The following UBE2E2 variants were observed in gnomAD, a reference collection of about 807,000 sequenced individuals.
UBE2E2 encodes the protein ubiquitin conjugating enzyme E2 E2, also known as ubiquitin-conjugating enzyme E2 E2.
A neutral mutation model predicts 24.7 loss-of-function variants in UBE2E2; 6 were observed. The observed-to-expected ratio is 0.24, with a 90% CI of 0.13 to 0.48. UBE2E2 has a LOEUF of 0.48. Ranked by LOEUF, UBE2E2 falls within the 20% of genes least tolerant of loss-of-function variation. UBE2E2 has a pLI of 0.99. For missense variants in UBE2E2, 169 were observed against 245.0 expected, an observed-to-expected ratio of 0.69 and a Z score of 2.07; for synonymous variants, 104 against 83.6, an observed-to-expected ratio of 1.24 and a Z score of -1.33.
intron 3 of UBE2E2, among the ~76,000 whole-genome samples, chr3:23,312,283 C>T (rs922772565): frequency 4.1e-4 from 62 of 151,998 alleles, no homozygotes; most frequent in African/African-American, 1.4e-3. Context: ...TATAGCAATG[C>T]GAGAACAGAC....
rs139844020 is a variant in UBE2E2 at position 23,302,736 on chromosome 3, G to C, written c.227+85424G>C. 5.7e-4 allele frequency among the ~76,000 whole-genome samples: 87 copies of C among 152,336 alleles called. 3 individuals are homozygous for C. In the East Asian group the frequency reaches 0.015, roughly 27 times the overall value. ...TTAATTTCCTATATACAGCTTGCCTGAGGTAGCATGAAAGCAGCCATAGAA... is the reference window on the plus strand; with the variant it reads ...TTAATTTCCTATATACAGCTTGCCTCAGGTAGCATGAAAGCAGCCATAGAA... On this transcript the variant is annotated intron_variant, in intron 3 of 5. Coordinates refer to ENST00000396703, the MANE Select transcript of UBE2E2 (RefSeq NM_152653.4).
At chr3:23,289,682 G>T (rs763721048) in intron 3 of UBE2E2, among the ~76,000 whole-genome samples, 1 of 151,960 alleles carries the variant, frequency 6.6e-6, no homozygotes, top group Non-Finnish European at 1.5e-5. Context: ...ATACTTTTAG[G>T]TATACACATT....
chr3:23,301,516 C>T (rs1050068779), intron 3 of UBE2E2, among the ~76,000 whole-genome samples: 52 of 152,180 alleles, frequency 3.4e-4, no homozygotes, highest in African/African-American at 1.1e-3. Context: ...GACCCTCAGC[C>T]GCAGGTCTGT....
chr3:23,306,716 G>T (rs1699246045), intron 3 of UBE2E2, among the ~76,000 whole-genome samples: 1 of 152,144 alleles, frequency 6.6e-6, no homozygotes, highest in South Asian at 2.1e-4. Context: ...ATGAGGAATG[G>T]CAAGTAAATA....
intron 3 of UBE2E2, among the ~76,000 whole-genome samples, chr3:23,230,287 G>C (rs1385774633): frequency 6.6e-6 from 1 of 152,202 alleles, no homozygotes; most frequent in Non-Finnish European, 1.5e-5. Context: ...TGGTTCAGCA[G>C]TGTCTGCAGC....
chr3:23,447,937 AG>A (rs1260278631), intron 3 of UBE2E2, among the ~76,000 whole-genome samples: 1 of 152,212 alleles, frequency 6.6e-6, no homozygotes, highest in East Asian at 1.9e-4. Context: ...TCCTTTCTGC[AG>A]GCCAAAACAG....
intron 3 of UBE2E2, among the ~76,000 whole-genome samples, chr3:23,458,609 G>A (rs989936803): frequency 2.6e-5 from 4 of 151,996 alleles, no homozygotes; most frequent in African/African-American, 7.3e-5. Context: ...AGTAGAGATG[G>A]GGTTTTACTG....
chr3:23,480,727 G>A (rs1159801698), intron 3 of UBE2E2, among the ~76,000 whole-genome samples: 1 of 152,000 alleles, frequency 6.6e-6, no homozygotes, highest in Non-Finnish European at 1.5e-5. Flanking sequence ...GCTTAGTACA[G>A]AAAAAGGATT....
intron 3 of UBE2E2, among the ~76,000 whole-genome samples, chr3:23,451,864 A>G (rs1231121075): frequency 1.1e-4 from 17 of 152,214 alleles, no homozygotes; most frequent in Admixed American, 1.1e-3. Flanking sequence ...ATAGAGCAGT[A>G]CCTAAAGGGT....
In UBE2E2 at chr3:23,243,318, C is replaced by G. The variant is rs550097269; in HGVS notation, c.227+26006C>G. On this transcript the variant is annotated intron_variant, in intron 3 of 5. Coordinates refer to ENST00000396703, the MANE Select transcript of UBE2E2 (RefSeq NM_152653.4). ...GTTAGGCACTTATGAGGTAGCAGGT[C>G]TCATGCTTCATCTTTTATGCTCCCA... is the stretch of plus-strand genomic sequence containing the variant. Among the ~76,000 whole-genome samples the G allele has an allele frequency of 2.6e-5, 4 of 152,280 alleles. No homozygotes were observed. The East Asian group carries it at 7.7e-4, about 29-fold the overall frequency.
intron 3 of UBE2E2, among the ~76,000 whole-genome samples, chr3:23,370,207 C>T (rs1468703182): frequency 1.3e-5 from 2 of 151,970 alleles, no homozygotes; most frequent in African/African-American, 4.8e-5. Context: ...CTTTGTTAAA[C>T]TTTTGGTCTT....
intron 3 of UBE2E2, among the ~76,000 whole-genome samples, chr3:23,302,969 C>T (rs1699140676): frequency 6.6e-6 from 1 of 152,148 alleles, no homozygotes; most frequent in African/African-American, 2.4e-5. Flanking sequence ...TGACACATAC[C>T]TGTGGAACCT....
chr3:23,453,387 C>G lies in UBE2E2; in HGVS notation c.228-46221C>G, dbSNP rs1381000844. ...GAGGAAAGAAAAAAATACTTTATAT[C>G]TTTAACCTGTTTTTTAAAAAGAAAG... On this transcript the variant is annotated intron_variant, in intron 3 of 5. Coordinates refer to ENST00000396703, the MANE Select transcript of UBE2E2 (RefSeq NM_152653.4). Among the ~76,000 whole-genome samples, 4 of 151,806 alleles carry G rather than the reference C, an allele frequency of 2.6e-5. No individual in the cohort carries two copies. In the East Asian group the frequency reaches 7.7e-4, roughly 29 times the overall value.
At chr3:23,517,459 A>G (rs572832440) in intron 4 of UBE2E2, among the ~76,000 whole-genome samples, 1 of 152,284 alleles carries the variant, frequency 6.6e-6, no homozygotes, top group African/African-American at 2.4e-5. Context: ...AACTGTTGAA[A>G]CATCAGAAGC....
At chr3:23,489,456 C>T (rs1466381780) in intron 3 of UBE2E2, among the ~76,000 whole-genome samples, 1 of 151,998 alleles carries the variant, frequency 6.6e-6, no homozygotes, top group African/African-American at 2.4e-5. Flanking sequence ...AATCTATTGC[C>T]ACCGCTGATG....
At chr3:23,449,455 A>G (rs78610316) in intron 3 of UBE2E2, among the ~76,000 whole-genome samples, 1 of 152,194 alleles carries the variant, frequency 6.6e-6, no homozygotes, top group East Asian at 1.9e-4. Context: ...AAAAATTCGG[A>G]TGGGGTAAGA....
At chr3:23,258,718 CT>C (rs1262620431) in intron 3 of UBE2E2, among the ~76,000 whole-genome samples, 1 of 151,768 alleles carries the variant, frequency 6.6e-6, no homozygotes, top group Non-Finnish European at 1.5e-5. Flanking sequence ...ATGGTAAAAC[CT>C]TGTCTCTACT....
chr3:23,568,208 A>G (rs896744747), intron 5 of UBE2E2, among the ~76,000 whole-genome samples: 10 of 152,178 alleles, frequency 6.6e-5, no homozygotes, highest in African/African-American at 2.4e-4. Flanking sequence ...CGGATACGTA[A>G]CAATGTCTAG....
intron 3 of UBE2E2, among the ~76,000 whole-genome samples, chr3:23,362,372 G>A (rs780319364): frequency 5.9e-5 from 9 of 152,112 alleles, no homozygotes; most frequent in Admixed American, 1.3e-4. Flanking sequence ...GGCAACTCTC[G>A]AGTCCAAGGA....
Sources: allele counts gnomAD v4.1 joint callset (sites outside exome capture counted in the v4.1 genomes callset), GRCh38; gene constraint gnomAD v4.1.1; transcripts MANE v1.5; gene names NCBI Gene and HGNC (gene_info 2026-07-23, HGNC 2026-07-21).